The following CUX2 variants were observed in gnomAD, a reference collection of about 807,000 sequenced individuals.
CUX2 encodes homeobox protein cut-like 2.
CUX2 carries 40 observed loss-of-function variants against 144.8 expected under a neutral mutation model. That is an observed-to-expected ratio of 0.28 (90% CI 0.21 to 0.36). The LOEUF is 0.36. Ranked by LOEUF, CUX2 falls within the 10% of genes least tolerant of loss-of-function variation. CUX2 has a pLI of 1.00. For synonymous variants in CUX2, 827 were observed against 875.6 expected (o/e 0.94, Z 0.98); for missense variants, 1,615 against 1,994.0 (o/e 0.81, Z 3.62).
intron 1 of CUX2, among the ~76,000 whole-genome samples, chr12:111,195,466 G>A (rs113044980): frequency 6.6e-6 from 1 of 152,228 alleles, no homozygotes; most frequent in African/African-American, 2.4e-5. Context: ...GGCATCACTG[G>A]GCACCAGCCT....
chr12:111,296,231 C>A (rs1885982542), intron 7 of CUX2, among the ~76,000 whole-genome samples: 1 of 152,068 alleles, frequency 6.6e-6, no homozygotes, highest in South Asian at 2.1e-4. Context: ...CATGGAGAGA[C>A]CTCATCTGCC....
intron 1 of CUX2, among the ~76,000 whole-genome samples, chr12:111,203,544 CAAAA>C (rs771280007): frequency 2.4e-5 from 2 of 84,698 alleles, no homozygotes; most frequent in African/African-American, 8.9e-5. Flanking sequence ...GACTCTCTCT[CAAAA>C]AAAAAAAAAA....
At chr12:111,199,777 CGT>C (rs1350741511) in intron 1 of CUX2, among the ~76,000 whole-genome samples, 3 of 151,680 alleles carry the variant, frequency 2.0e-5, no homozygotes, top group Non-Finnish European at 1.5e-5. Flanking sequence ...TATGTTTGTA[CGT>C]GTGTTTCTGT....
At chr12:111,201,530 T>C (rs1880596179) in intron 1 of CUX2, among the ~76,000 whole-genome samples, 1 of 152,144 alleles carries the variant, frequency 6.6e-6, no homozygotes, top group Admixed American at 6.5e-5. Flanking sequence ...TAGGCGCAGC[T>C]CTCTCCAGGT....
chr12:111,322,401 C>T lies in CUX2; in HGVS notation c.2767-20C>T. 6.5e-7 allele frequency: 1 copy of T among 1,544,948 alleles called. No homozygotes were observed. ...GTCCCAGGGGCCTGCTGACCTACCCCCCTGGCCCGCCCCTCGCAGGTGCTG... is the reference window on the plus strand; with the variant it reads ...GTCCCAGGGGCCTGCTGACCTACCCTCCTGGCCCGCCCCTCGCAGGTGCTG... On this transcript the variant is annotated intron_variant, in intron 17 of 21. Transcript: ENST00000261726. This position sits in a 1 kb window ranked among gnomAD's most constrained non-coding sequence, Gnocchi z 4.2.
At chr12:111,088,329 A>C (rs1872358827) in intron 1 of CUX2, among the ~76,000 whole-genome samples, 1 of 152,150 alleles carries the variant, frequency 6.6e-6, no homozygotes, top group Non-Finnish European at 1.5e-5. Flanking sequence ...TGACCTCAAG[A>C]AATCCTCCCT....
chr12:111,181,061 G>A (rs909967396), intron 1 of CUX2, among the ~76,000 whole-genome samples: 5 of 152,268 alleles, frequency 3.3e-5, no homozygotes, highest in African/African-American at 1.2e-4. Context: ...GGCAGCTGCA[G>A]AGAGAAGAAT....
chr12:111,344,264 A>G (rs1373035182), intron 21 of CUX2, among the ~76,000 whole-genome samples: 3 of 152,176 alleles, frequency 2.0e-5, no homozygotes, highest in Non-Finnish European at 2.9e-5. Context: ...TAATGTATGC[A>G]TAGTGAACCA....
At chr12:111,226,061 A>G (rs532390038) in intron 3 of CUX2, among the ~76,000 whole-genome samples, 260 of 152,318 alleles carry the variant, frequency 1.7e-3, no homozygotes, top group Non-Finnish European at 3.0e-3. Flanking sequence ...CTGGTGCCTC[A>G]GTCTCCCAAG....
chr12:111,168,540 C>G (rs1484836009), intron 1 of CUX2, among the ~76,000 whole-genome samples: 1 of 152,204 alleles, frequency 6.6e-6, no homozygotes, highest in Non-Finnish European at 1.5e-5. Context: ...CCATGTGGCT[C>G]AGCATGCTGG....
At chr12:111,148,984 G>A (rs866459059) in intron 1 of CUX2, among the ~76,000 whole-genome samples, 8 of 152,106 alleles carry the variant, frequency 5.3e-5, no homozygotes, top group Middle Eastern at 6.8e-3. Context: ...GTGACAGAGC[G>A]AGACCCTGCC....
chr12:111,265,810 A>G (rs1884360582), intron 4 of CUX2, among the ~76,000 whole-genome samples: 1 of 151,872 alleles, frequency 6.6e-6, no homozygotes. Context: ...CCTTTCCCCC[A>G]TCCTTCCACA....
In CUX2 at chr12:111,034,727, A is replaced by AGAGGAG. The variant is rs905585709; in HGVS notation, c.63+500_63+505dup. ...CTGGCGGGCAGGGAGGAGGAGGAGG[A>AGAGGAG]GAGGAGGAGGAGGAGGAGAGAGGAG... On this transcript the variant is annotated intron_variant, in intron 1 of 21. Transcript: ENST00000261726. This position sits in a 1 kb window ranked among gnomAD's most constrained non-coding sequence, Gnocchi z 4.2. Among the ~76,000 whole-genome samples the AGAGGAG allele has an allele frequency of 6.0e-5, 9 of 150,270 alleles. No homozygotes were observed. The highest frequency in any genetic ancestry group is 7.4e-5 in the Non-Finnish European group (5 of 67,256).
intron 17 of CUX2, among the ~76,000 whole-genome samples, chr12:111,321,326 G>A (rs141515370): frequency 7.4e-4 from 113 of 152,230 alleles, no homozygotes; most frequent in Middle Eastern, 3.4e-3. Context: ...AATTAGCTGG[G>A]CTTGGTGTCC....
chr12:111,050,889 G>A (rs1253988234), intron 1 of CUX2, among the ~76,000 whole-genome samples: 1 of 152,166 alleles, frequency 6.6e-6, no homozygotes, highest in Non-Finnish European at 1.5e-5. Flanking sequence ...GTTGGTTAAT[G>A]GGTACAAACA....
At chr12:111,271,799 G>GATTTTTTCTA (rs976993356) in intron 4 of CUX2, among the ~76,000 whole-genome samples, 8 of 152,142 alleles carry the variant, frequency 5.3e-5, no homozygotes, top group Non-Finnish European at 1.2e-4. Flanking sequence ...CCAGAGAGTG[G>GATTTTTTCTA]ATTTTTTCTA....
chr12:111,220,143 CA>C (rs61639519), intron 3 of CUX2, among the ~76,000 whole-genome samples: 4,641 of 108,350 alleles, frequency 0.043, 84 homozygotes, highest in African/African-American at 0.072. Context: ...GACTCTGTCT[CA>C]AAAAAAAAAA....
At chr12:111,080,642 A>G (rs2136042114) in intron 1 of CUX2, among the ~76,000 whole-genome samples, 1 of 152,250 alleles carries the variant, frequency 6.6e-6, no homozygotes, top group East Asian at 1.9e-4. Context: ...ACTGCACTCC[A>G]ACCTGGGTGA....
Position 111,341,833 on chromosome 12 carries a change from C to G in CUX2, c.3439C>G (p.Pro1147Ala), listed in dbSNP as rs749291323. 6.2e-7 allele frequency: 1 copy of G among 1,613,160 alleles called. No homozygotes were observed. The highest frequency in any genetic ancestry group is 1.7e-5 in the Admixed American group (1 of 59,944). Residue 1147 changes from proline to alanine, a missense_variant, in exon 21 of 22, where the codon CCG becomes GCG. Pro to Ala is a conservative substitution (Grantham distance 27). Coordinates refer to ENST00000261726, the MANE Select transcript of CUX2 (RefSeq NM_015267.4). ...LISTGSDSES[P>A]ATRSECPSPC... ...CAGCACCGGCTCAGACAGTGAGTCC[C>G]CGGCCACCCGCTCAGAGTGCCCCAG...
Sources: gnomAD v4.1 joint callset for allele counts (sites outside exome capture counted in the v4.1 genomes callset) on GRCh38, gnomAD v4.1.1 for gene constraint, Gnocchi (gnomAD v3.1) non-coding constraint, MANE v1.5 for transcripts, NCBI Gene and HGNC (gene_info 2026-07-23, HGNC 2026-07-21) for gene names.